Variants in GSE1 observed in about 807,000 individuals in gnomAD.
The protein encoded by GSE1 is Gse1 coiled-coil protein, also known as genetic suppressor element 1.
Under a neutral mutation model 112.6 loss-of-function variants are expected in GSE1, and 32 were observed. The ratio of observed to expected loss-of-function variants is 0.28; its 90% CI spans 0.21 to 0.38. The LOEUF (loss-of-function observed/expected upper bound fraction) is 0.38. Among genes scored for constraint, GSE1 ranks in the 10% least tolerant of loss-of-function variants. The pLI is 1.00. For synonymous variants in GSE1, 1,115 were observed against 735.6 expected, an observed-to-expected ratio of 1.52 and a Z score of -8.35; for missense variants, 2,348 against 1,699.2, an observed-to-expected ratio of 1.38 and a Z score of -6.71.
intron 2 of GSE1, among the ~76,000 whole-genome samples, chr16:85,521,034 C>A (rs2052167201): frequency 6.6e-6 from 1 of 152,086 alleles, no homozygotes; most frequent in Non-Finnish European, 1.5e-5. Context: ...CCTTTGGGAG[C>A]CCAACGAGCC....
chr16:85,645,215 C>T (rs2050755084), intron 2 of GSE1, among the ~76,000 whole-genome samples: 2 of 151,990 alleles, frequency 1.3e-5, no homozygotes, highest in South Asian at 4.2e-4. Flanking sequence ...GGTTGGGTCA[C>T]GCCTCAGGGG....
chr16:85,214,431 T>C (rs991599233), intron 1 of GSE1, among the ~76,000 whole-genome samples: 4 of 151,622 alleles, frequency 2.6e-5, no homozygotes, highest in Admixed American at 6.6e-5. Flanking sequence ...GAGGTCGGAG[T>C]GATGCAGCGA....
chr16:85,550,593 G>T (rs2044871519), intron 2 of GSE1, among the ~76,000 whole-genome samples: 1 of 152,122 alleles, frequency 6.6e-6, no homozygotes, highest in Admixed American at 6.5e-5. Context: ...GTTGTGGCCT[G>T]GTCCTGGGGG....
At chr16:85,572,859 GGCATT>G (rs1465492959) in intron 1 of GSE1, among the ~76,000 whole-genome samples, 2 of 152,112 alleles carry the variant, frequency 1.3e-5, no homozygotes, top group Admixed American at 1.3e-4. Context: ...ATCAAGTCAG[GGCATT>G]GCAAGAGAGG....
intron 2 of GSE1, among the ~76,000 whole-genome samples, chr16:85,506,658 A>G (rs1366631904): frequency 6.6e-6 from 1 of 152,052 alleles, no homozygotes; most frequent in Non-Finnish European, 1.5e-5. Context: ...TGTGATTTCA[A>G]TGCATTTCAA....
intron 2 of GSE1, among the ~76,000 whole-genome samples, chr16:85,549,800 C>A (rs1317059322): frequency 6.6e-6 from 1 of 152,176 alleles, no homozygotes; most frequent in Non-Finnish European, 1.5e-5. Context: ...TCCTTGTATG[C>A]CCTTGCCCTT....
chr16:85,485,384 G>A (rs986233476), intron 2 of GSE1, among the ~76,000 whole-genome samples: 2 of 152,212 alleles, frequency 1.3e-5, no homozygotes, highest in Admixed American at 6.5e-5. Context: ...CACCAGGGGC[G>A]GTGGGGAGCC....
chr16:85,470,181 C>T (rs773339150), intron 2 of GSE1, among the ~76,000 whole-genome samples: 6 of 152,268 alleles, frequency 3.9e-5, no homozygotes, highest in Non-Finnish European at 8.8e-5. Flanking sequence ...CTGGGCTGTT[C>T]ATGCTGTGCC....
intron 2 of GSE1, among the ~76,000 whole-genome samples, chr16:85,404,085 T>A (rs2048185608): frequency 6.6e-6 from 1 of 152,028 alleles, no homozygotes; most frequent in African/African-American, 2.4e-5. Context: ...AGCTTGTGAT[T>A]GGACACAGGG....
chr16:85,563,189 C>CTTTTTTT (rs80212096), intron 1 of GSE1, among the ~76,000 whole-genome samples: 1 of 140,448 alleles, frequency 7.1e-6, no homozygotes, highest in Non-Finnish European at 1.6e-5. Flanking sequence ...CCTCCTCTTC[C>CTTTTTTT]TTTTTTTTTT....
intron 2 of GSE1, among the ~76,000 whole-genome samples, chr16:85,530,959 G>A (rs547230074): frequency 1.3e-5 from 2 of 152,370 alleles, no homozygotes; most frequent in East Asian, 1.9e-4. Flanking sequence ...TCTGACAGGT[G>A]TTGTTTGTGT....
At chr16:85,187,556 C>G (rs1180376296) in intron 1 of GSE1, among the ~76,000 whole-genome samples, 1 of 152,272 alleles carries the variant, frequency 6.6e-6, no homozygotes, top group Non-Finnish European at 1.5e-5. Flanking sequence ...CGAGTACTAT[C>G]CCTTTCCTGT....
intron 2 of GSE1, among the ~76,000 whole-genome samples, chr16:85,368,339 C>T (rs187120683): frequency 6.6e-6 from 1 of 152,240 alleles, no homozygotes; most frequent in East Asian, 1.9e-4. Flanking sequence ...ACTGGAGCAT[C>T]GGAGGAGAGC....
chr16:85,524,586 C>T (rs146811909), intron 2 of GSE1, among the ~76,000 whole-genome samples: 2,517 of 152,244 alleles, frequency 0.017, 37 homozygotes, highest in Middle Eastern at 0.041. Context: ...CCGAGGGGTG[C>T]TGAGGCCTCA....
intron 2 of GSE1, among the ~76,000 whole-genome samples, chr16:85,495,790 G>A (rs188011298): frequency 5.9e-5 from 9 of 152,134 alleles, no homozygotes; most frequent in Non-Finnish European, 1.0e-4. Flanking sequence ...GAGCCACTAC[G>A]CCCAGCCATG....
At chr16:85,378,593 C>T (rs1456861812) in intron 2 of GSE1, among the ~76,000 whole-genome samples, 1 of 152,210 alleles carries the variant, frequency 6.6e-6, no homozygotes, top group Non-Finnish European at 1.5e-5. Flanking sequence ...TGCTTGGCGC[C>T]CTTCGTGCTG....
At chr16:85,382,653 C>T (rs971427522) in intron 2 of GSE1, among the ~76,000 whole-genome samples, 2 of 152,114 alleles carry the variant, frequency 1.3e-5, no homozygotes, top group African/African-American at 4.8e-5. Flanking sequence ...AGATCCAGAG[C>T]CAAAGCACTG....
At chr16:85,390,373 G>A (rs1319816119) in intron 2 of GSE1, among the ~76,000 whole-genome samples, 1 of 152,096 alleles carries the variant, frequency 6.6e-6, no homozygotes, top group Non-Finnish European at 1.5e-5. Flanking sequence ...ATCAGGGTCA[G>A]ATTCCTGCTA....
intron 1 of GSE1, among the ~76,000 whole-genome samples, chr16:85,571,541 G>A (rs1197791191): frequency 6.6e-6 from 1 of 152,218 alleles, no homozygotes; most frequent in Admixed American, 6.5e-5. Flanking sequence ...AATCCTCGGA[G>A]CGATACTGGC....
Sources: gnomAD v4.1 joint callset for allele counts (sites outside exome capture counted in the v4.1 genomes callset) on GRCh38, gnomAD v4.1.1 for gene constraint, MANE v1.5 for transcripts, NCBI Gene and HGNC (gene_info 2026-07-23, HGNC 2026-07-21) for gene names.